Variants in KIAA0586 observed in about 807,000 individuals in gnomAD.
KIAA0586 encodes protein TALPID3.
In KIAA0586, 144 loss-of-function variants were observed where a neutral mutation model predicts 169.8. That is an observed-to-expected ratio of 0.85 (90% CI 0.74 to 0.97). The LOEUF is 0.97. Ranked by LOEUF, KIAA0586 falls within the 50% of genes least tolerant of loss-of-function variation. The pLI is 0.00. For missense variants in KIAA0586, 1,854 were observed against 1,823.0 expected (o/e 1.02, Z -0.31); for synonymous variants, 625 against 612.4 (o/e 1.02, Z -0.30).
intron 23 of KIAA0586, 111 bp downstream of exon 23, chr14:58,488,220 C>T: frequency 1.2e-6 from 1 of 851,852 alleles, no homozygotes; most frequent in Admixed American, 3.0e-5. Context: ...CACAGACTAC[C>T]TTATACTTTG....
Position 58,498,896 on chromosome 14 carries a change from TAC to T in KIAA0586, c.4108_4109del (p.Gln1370ValfsTer7), listed in dbSNP as rs2043351624. The T allele has an allele frequency of 6.2e-7, 1 of 1,612,542 alleles. No homozygotes were observed. Among genetic ancestry groups the T allele is most frequent in the Admixed American group, 1.7e-5 (1 of 59,836 alleles). On this transcript the variant is annotated frameshift_variant, in exon 27 of 31. Coordinates refer to ENST00000652326, the MANE Select transcript of KIAA0586 (RefSeq NM_001329943.3). LOFTEE classifies it high-confidence loss of function. Reference sequence around the variant, plus strand: ...TCTATATGCAGCCACCTGTCACTAATACACAGTCTTTGGATCAACAATGTGAT... The same window carrying T: ...TCTATATGCAGCCACCTGTCACTAATACAGTCTTTGGATCAACAATGTGAT... The part of the protein sequence containing the change: ...SLYMQPPVTN[T>X]QSLDQQCDPK...
chr14:58,509,722 A>G (rs1455887339), intron 28 of KIAA0586, among the ~76,000 whole-genome samples: 2 of 152,200 alleles, frequency 1.3e-5, no homozygotes, highest in South Asian at 2.1e-4. Flanking sequence ...TAATAATGAA[A>G]AAGTATCTGT....
rs11850790 is a variant in KIAA0586 at position 58,527,795 on chromosome 14, C to T, written c.4430-12276C>T. 9.9e-3 allele frequency among the ~76,000 whole-genome samples: 1,502 copies of T among 152,258 alleles called. 26 individuals are homozygous for T. Among genetic ancestry groups the T allele is most frequent in the African/African-American group, 0.035 (1,451 of 41,536 alleles). On this transcript the variant is annotated intron_variant, in intron 29 of 30. Transcript: ENST00000652326. ...CATTGACACTATGAAGAAACTGCGT[C>T]AACTAATGGGCAAAATAACCAGCTA...
At chr14:58,435,570 C>CT (rs994794351) in intron 4 of KIAA0586, among the ~76,000 whole-genome samples, 1 of 152,172 alleles carries the variant, frequency 6.6e-6, no homozygotes, top group African/African-American at 2.4e-5. Context: ...GTATTCCTGA[C>CT]TTATTCCTCC....
Position 58,548,029 on chromosome 14 carries a change from A to G in KIAA0586, c.*97A>G. 2 of 1,366,408 alleles carry G rather than the reference A, an allele frequency of 1.5e-6. No homozygotes were observed. The highest frequency in any genetic ancestry group is 2.0e-6 in the Non-Finnish European group (2 of 1,014,640). The allele number at this position is 1,366,408 out of a possible 1,614,324, so 84.6% of individuals were successfully genotyped here. A position where few individuals can be genotyped will look rare whatever the true frequency, so the allele number is the denominator to read the frequency against. Reference sequence around the variant, plus strand: ...CTCTCAGACTGTTTGGTTTTTGAGCATATTCTGAAAAAAAAATTCCAATAT... The same window carrying G: ...CTCTCAGACTGTTTGGTTTTTGAGCGTATTCTGAAAAAAAAATTCCAATAT... On this transcript the variant is annotated 3_prime_UTR_variant, in exon 31 of 31. Transcript: ENST00000652326.
intron 26 of KIAA0586, among the ~76,000 whole-genome samples, chr14:58,492,831 A>T (rs996844420): frequency 6.6e-6 from 1 of 152,244 alleles, no homozygotes; most frequent in Admixed American, 6.5e-5. Flanking sequence ...AGAAGCAGAA[A>T]TACCATTTGT....
At chr14:58,438,775 TA>T (rs2038044324) in intron 4 of KIAA0586, among the ~76,000 whole-genome samples, 1 of 152,024 alleles carries the variant, frequency 6.6e-6, no homozygotes, top group Admixed American at 6.6e-5. Context: ...GAGAAGGATG[TA>T]ATAAGTTGGG....
intron 25 of KIAA0586, 135 bp downstream of exon 25, chr14:58,490,375 T>A (rs1272719164): frequency 8.7e-6 from 4 of 460,862 alleles, no homozygotes; most frequent in Non-Finnish European, 1.1e-5. Context: ...TGAAATAATT[T>A]AGAGTTTCTT....
In KIAA0586 at chr14:58,453,691, G is replaced by A. The variant is rs1484606308; in HGVS notation, c.1253+218G>A. On this transcript the variant is annotated intron_variant, in intron 9 of 30. Transcript: ENST00000652326. ...AAAATGCAGGTTATTAATTTCTAACGTATGGATTATTCATTTCTGATTAAA... is the reference window on the plus strand; with the variant it reads ...AAAATGCAGGTTATTAATTTCTAACATATGGATTATTCATTTCTGATTAAA... Among the ~76,000 whole-genome samples, 6 of 151,932 alleles carry A rather than the reference G, an allele frequency of 3.9e-5. No homozygotes were observed. The South Asian group carries it at 6.2e-4, about 16-fold the overall frequency.
At chr14:58,475,886 G>A (rs1489596339) in intron 19 of KIAA0586, among the ~76,000 whole-genome samples, 1 of 152,124 alleles carries the variant, frequency 6.6e-6, no homozygotes, top group African/African-American at 2.4e-5. Context: ...GATCACCTGA[G>A]GTCAGGAGTT....
At chr14:58,451,355 TA>T (rs2039371810) in intron 8 of KIAA0586, among the ~76,000 whole-genome samples, 1 of 152,018 alleles carries the variant, frequency 6.6e-6, no homozygotes, top group Non-Finnish European at 1.5e-5. Flanking sequence ...GCCTCCTGAG[TA>T]GCTGGGACTA....
intron 21 of KIAA0586, among the ~76,000 whole-genome samples, chr14:58,485,297 A>G (rs974162215): frequency 5.3e-5 from 8 of 151,996 alleles, no homozygotes; most frequent in African/African-American, 1.7e-4. Context: ...ACCCATGTAC[A>G]TATAAAAAGA....
At chr14:58,507,291 T>C (rs2044048406) in intron 27 of KIAA0586, among the ~76,000 whole-genome samples, 1 of 146,550 alleles carries the variant, frequency 6.8e-6, no homozygotes, top group African/African-American at 2.5e-5. Context: ...TATATATATA[T>C]CATGTGTATG....
At chr14:58,544,131 G>C (rs889796269) in intron 30 of KIAA0586, among the ~76,000 whole-genome samples, 2 of 152,086 alleles carry the variant, frequency 1.3e-5, no homozygotes, top group African/African-American at 4.8e-5. Flanking sequence ...TTGGTTTTCT[G>C]TTCCTGCATT....
chr14:58,454,211 C>G lies in KIAA0586; in HGVS notation c.1253+738C>G, dbSNP rs561720793. On this transcript the variant is annotated intron_variant, in intron 9 of 30. Transcript: ENST00000652326. Reference sequence around the variant, plus strand: ...TTTTTTGAGTTATTTTCTTCGTGGTCACTCCAGGAATTACAATTAACATAT... The same window carrying G: ...TTTTTTGAGTTATTTTCTTCGTGGTGACTCCAGGAATTACAATTAACATAT... Among the ~76,000 whole-genome samples the G allele has an allele frequency of 1.2e-4, 18 of 152,198 alleles. 1 individual carries two copies. The highest frequency in any genetic ancestry group is 4.1e-4 in the African/African-American group (17 of 41,542).
chr14:58,452,290 T>A (rs1398684038), intron 8 of KIAA0586, among the ~76,000 whole-genome samples: 3 of 151,972 alleles, frequency 2.0e-5, no homozygotes, highest in East Asian at 1.9e-4. Flanking sequence ...ATAAAAAAAA[T>A]TAAAAGAAAA....
At chr14:58,466,827 G>T (rs749078174) in intron 15 of KIAA0586, among the ~76,000 whole-genome samples, 4 of 152,142 alleles carry the variant, frequency 2.6e-5, no homozygotes, top group Non-Finnish European at 4.4e-5. Context: ...AAGTATTAAG[G>T]TACTTTTTTT....
At chr14:58,536,892 C>A in intron 29 of KIAA0586, 1 of 303,290 alleles carries the variant, frequency 3.3e-6, no homozygotes, top group Non-Finnish European at 6.0e-6. Context: ...TTCTAGTCAG[C>A]ATTGCTCATT....
rs1473612276 is a variant in KIAA0586 at position 58,487,898 on chromosome 14, C to T, written c.3316C>T (p.Pro1106Ser). The T allele has an allele frequency of 6.2e-7, 1 of 1,611,922 alleles. No homozygotes were observed. The highest frequency in any genetic ancestry group is 2.2e-5 in the East Asian group (1 of 44,812). ...AAAAAAACCTTTAGGAGATGATATG[C>T]CTGCCATCATGCTTGTTAATACTCC... ...EICAEKGDDM[P>S]AIMLVNTPTV... The change falls in exon 23 of 31, where the codon CCT (proline) becomes TCT (serine). Residue 1106 changes from proline to serine, a missense_variant. Transcript: ENST00000652326.
Sources: allele counts gnomAD v4.1 joint callset (sites outside exome capture counted in the v4.1 genomes callset), GRCh38; gene constraint gnomAD v4.1.1; transcripts MANE v1.5; gene names NCBI Gene and HGNC (gene_info 2026-07-23, HGNC 2026-07-21).